Variants in EML6 observed in about 807,000 individuals in gnomAD.
EML6 encodes echinoderm microtubule-associated protein-like 6.
EML6 carries 154 observed loss-of-function variants against 240.1 expected under a neutral mutation model. That is an observed-to-expected ratio of 0.64 (90% CI 0.56 to 0.73). EML6 has a LOEUF of 0.73. EML6 is among the 30% of genes least tolerant of loss of function. EML6 has a pLI of 0.00. For synonymous variants in EML6, 1,148 were observed against 899.0 expected, an observed-to-expected ratio of 1.28 and a Z score of -4.95; for missense variants, 2,964 against 2,474.6, an observed-to-expected ratio of 1.20 and a Z score of -4.20.
In EML6 at chr2:54,800,892, G is replaced by A. The variant is rs569272017; in HGVS notation, c.198-12340G>A. Among the ~76,000 whole-genome samples, 24 of 152,260 alleles carry A rather than the reference G, an allele frequency of 1.6e-4. No homozygotes were observed. The South Asian group carries it at 1.9e-3, about 12-fold the overall frequency. On this transcript the variant is annotated intron_variant, in intron 2 of 41. Coordinates refer to ENST00000356458, the MANE Select transcript of EML6 (RefSeq NM_001039753.4). ...GATTAAATTTGATCTAACATGTGAC[G>A]TCTCTGGAACAGGAGCTGGTAAATG...
intron 38 of EML6, among the ~76,000 whole-genome samples, chr2:54,965,586 G>T (rs921732845): frequency 1.3e-5 from 2 of 152,130 alleles, no homozygotes; most frequent in Admixed American, 6.5e-5. Context: ...TTTGGTGGGT[G>T]GGGGGAAGCC....
chr2:54,944,945 C>T (rs981213780), intron 28 of EML6, among the ~76,000 whole-genome samples: 1 of 151,640 alleles, frequency 6.6e-6, no homozygotes, highest in Admixed American at 6.6e-5. Flanking sequence ...TATCCTAGAG[C>T]AGTGGTTGCT....
At chr2:54,753,979 A>G (rs1285835800) in intron 2 of EML6, among the ~76,000 whole-genome samples, 1 of 151,882 alleles carries the variant, frequency 6.6e-6, no homozygotes, top group Non-Finnish European at 1.5e-5. Context: ...TACTAAAAAT[A>G]GAAAAATTAG....
chr2:54,962,657 C>A lies in EML6; in HGVS notation c.5103C>A (p.Leu1701=), dbSNP rs1445900642. The A allele has an allele frequency of 2.0e-6, 3 of 1,533,984 alleles. No individual in the cohort carries two copies. The part of the protein sequence containing the change: ...WGLATHPSKD[L]FISASNDGTA... The stretch of plus-strand genomic sequence containing the variant: ...TGGCCACTCACCCTTCCAAGGACCT[C>A]TTCATCTCTGCCAGCAACGATGGCA... Residue 1701 remains leucine, a synonymous_variant, in exon 36 of 42, where the codon CTC becomes CTA. Coordinates refer to ENST00000356458, the MANE Select transcript of EML6 (RefSeq NM_001039753.4).
intron 28 of EML6, among the ~76,000 whole-genome samples, chr2:54,937,818 T>C (rs896040176): frequency 6.6e-6 from 1 of 152,148 alleles, no homozygotes; most frequent in Non-Finnish European, 1.5e-5. Flanking sequence ...CAATCAAACT[T>C]TGTGCATTAA....
intron 2 of EML6, among the ~76,000 whole-genome samples, chr2:54,752,978 G>A (rs1270355945): frequency 5.9e-5 from 9 of 152,260 alleles, no homozygotes; most frequent in Admixed American, 2.0e-4. Context: ...TAGTAGAGGC[G>A]GGGTTTCACC....
In EML6 at chr2:54,964,715, G is replaced by C. The variant is rs577534823; in HGVS notation, c.5475G>C (p.Ala1825=). 6 of 1,551,770 alleles carry C rather than the reference G, an allele frequency of 3.9e-6. 1 individual carries two copies. Among genetic ancestry groups the C allele is most frequent in the South Asian group, 2.4e-5 (2 of 84,052 alleles). The change falls in exon 38 of 42, where the codon GCG becomes GCC. Residue 1825 remains alanine, a synonymous_variant. Coordinates refer to ENST00000356458, the MANE Select transcript of EML6 (RefSeq NM_001039753.4). The part of the protein sequence containing the change: ...PSFVIQMDFS[A]DGKYIQVSTG... ...TTGTCATTCAGATGGATTTTTCTGCGGATGGCAAATACATTCAGGTATGCT... is the reference window on the plus strand; with the variant it reads ...TTGTCATTCAGATGGATTTTTCTGCCGATGGCAAATACATTCAGGTATGCT...
chr2:54,906,397 G>A (rs907328587), intron 24 of EML6, among the ~76,000 whole-genome samples: 2 of 152,174 alleles, frequency 1.3e-5, no homozygotes, highest in African/African-American at 4.8e-5. Flanking sequence ...CTGTGGAGGG[G>A]CCTGGGGGAA....
At chr2:54,728,204 A>G (rs1682993787) in intron 2 of EML6, among the ~76,000 whole-genome samples, 1 of 152,262 alleles carries the variant, frequency 6.6e-6, no homozygotes, top group South Asian at 2.1e-4. Flanking sequence ...TCAGGGCTTG[A>G]TACCAAGGAC....
intron 11 of EML6, among the ~76,000 whole-genome samples, chr2:54,858,159 G>A (rs2103813375): frequency 1.3e-5 from 2 of 152,330 alleles, no homozygotes; most frequent in South Asian, 4.1e-4. Context: ...GCTCACTCAT[G>A]TGGCTCTTGG....
chr2:54,964,092 T>G lies in EML6; in HGVS notation c.5264T>G (p.Leu1755Trp). ...ATGAAGAATGGAGAGTTTGTCATCTTGTTGGTGAACAGCCTGAAAGTTTGG... is the reference window on the plus strand; with the variant it reads ...ATGAAGAATGGAGAGTTTGTCATCTGGTTGGTGAACAGCCTGAAAGTTTGG... ...IGMKNGEFVI[L>W]LVNSLKVWGK... The change falls in exon 37 of 42, where the codon TTG (leucine) becomes TGG (tryptophan). Residue 1755 changes from leucine to tryptophan, a missense_variant. Coordinates refer to ENST00000356458, the MANE Select transcript of EML6 (RefSeq NM_001039753.4). The G allele has an allele frequency of 6.4e-7, 1 of 1,551,762 alleles. No individual in the cohort carries two copies. The highest frequency in any genetic ancestry group is 8.7e-7 in the Non-Finnish European group (1 of 1,147,000).
Position 54,962,542 on chromosome 2 carries a change from C to G in EML6, c.4988C>G (p.Thr1663Ser). 1 of 1,545,708 alleles carries G rather than the reference C, an allele frequency of 6.5e-7. No individual in the cohort carries two copies. The highest frequency in any genetic ancestry group is 8.7e-7 in the Non-Finnish European group (1 of 1,144,316). ...CAACAGGGAAAAATCTTAGTGGGAA[C>G]CAAAGACGGAGAAATAATTGAAGTT... ...CRGKGKILVGTKDGEIIEVGE... is the reference protein window; with the variant it reads ...CRGKGKILVGSKDGEIIEVGE... The change falls in exon 36 of 42, where the codon ACC becomes AGC. Residue 1663 changes from threonine to serine, a missense_variant. Physicochemically the swap from Thr to Ser is moderately conservative, Grantham distance 58 (BLOSUM62 1). Transcript: ENST00000356458.
chr2:54,874,227 C>T (rs538455248), intron 16 of EML6, among the ~76,000 whole-genome samples: 1 of 152,284 alleles, frequency 6.6e-6, no homozygotes, highest in Non-Finnish European at 1.5e-5. Flanking sequence ...AGATAGCTAA[C>T]ATTTCTTCTG....
At chr2:54,933,448 A>G (rs993082184) in intron 28 of EML6, among the ~76,000 whole-genome samples, 5 of 152,178 alleles carry the variant, frequency 3.3e-5, no homozygotes, top group Admixed American at 1.3e-4. Flanking sequence ...ACTATTCTAT[A>G]TATAGGCCAG....
intron 2 of EML6, among the ~76,000 whole-genome samples, chr2:54,738,922 C>G (rs920905067): frequency 6.6e-6 from 1 of 152,060 alleles, no homozygotes; most frequent in African/African-American, 2.4e-5. Flanking sequence ...ATGGTACTTG[C>G]TAGATACTGT....
chr2:54,773,973 C>T (rs868245240), intron 2 of EML6, among the ~76,000 whole-genome samples: 1 of 152,124 alleles, frequency 6.6e-6, no homozygotes. Context: ...CCTTTGCTGT[C>T]CTCAAGAAGT....
intron 28 of EML6, among the ~76,000 whole-genome samples, chr2:54,934,965 C>G (rs1304965147): frequency 6.6e-6 from 1 of 152,150 alleles, no homozygotes; most frequent in Non-Finnish European, 1.5e-5. Context: ...TCACTCTGCC[C>G]TCATTTTTGG....
In EML6 at chr2:54,813,256, T is replaced by G; in HGVS notation, c.222T>G (p.Thr74=). 1.3e-6 allele frequency: 2 copies of G among 1,550,764 alleles called. No individual in the cohort carries two copies. Among genetic ancestry groups the G allele is most frequent in the African/African-American group, 1.4e-5 (1 of 73,158 alleles). Residue 74 remains threonine (T), a synonymous_variant, in exon 3 of 42, where the codon ACT becomes ACG. Transcript: ENST00000356458. The part of the protein sequence containing the change: ...IISLALHPDK[T]LVATGQVGKE... ...GCCTTGCCTTACACCCAGACAAAAC[T>G]CTCGTTGCAACTGGCCAAGTCGGGA...
intron 19 of EML6, among the ~76,000 whole-genome samples, chr2:54,893,737 A>G (rs535589064): frequency 6.6e-6 from 1 of 152,138 alleles, no homozygotes; most frequent in African/African-American, 2.4e-5. Context: ...CCATGTCTCA[A>G]TTTTCTTTTA....
Sources: allele counts gnomAD v4.1 joint callset (sites outside exome capture counted in the v4.1 genomes callset), GRCh38; gene constraint gnomAD v4.1.1; transcripts MANE v1.5; gene names NCBI Gene and HGNC (gene_info 2026-07-23, HGNC 2026-07-21).